Variants in FAT2 observed in about 807,000 individuals in gnomAD.
The protein encoded by FAT2 is FAT atypical cadherin 2.
Under a neutral mutation model 295.3 loss-of-function variants are expected in FAT2, and 150 were observed. The ratio of observed to expected loss-of-function variants is 0.51; its 90% CI spans 0.44 to 0.58. FAT2 has a LOEUF of 0.58. Ranked by LOEUF, FAT2 falls within the 20% of genes least tolerant of loss-of-function variation. The probability of loss-of-function intolerance (pLI) is 0.00; values close to 1 mark genes in which losing one functional copy is unlikely to be tolerated. For synonymous variants in FAT2, 2,026 were observed against 2,150.3 expected, an observed-to-expected ratio of 0.94 and a Z score of 1.60; for missense variants, 4,868 against 5,442.7, an observed-to-expected ratio of 0.89 and a Z score of 3.32.
intron 3 of FAT2, among the ~76,000 whole-genome samples, chr5:151,559,278 A>G (rs1440273594): frequency 6.6e-6 from 1 of 152,150 alleles, no homozygotes; most frequent in African/African-American, 2.4e-5. Context: ...TTTGGCGTGC[A>G]AGGGATTGGA....
In FAT2 at chr5:151,544,285, A is replaced by G; in HGVS notation, c.6842T>C (p.Ile2281Thr). 1 of 1,614,190 alleles carries G rather than the reference A, an allele frequency of 6.2e-7. No individual in the cohort carries two copies. Among genetic ancestry groups the G allele is most frequent in the Non-Finnish European group, 8.5e-7 (1 of 1,180,034 alleles). The change falls in exon 10 of 24, where the codon ATC becomes ACC. Residue 2281 changes from isoleucine to threonine, a missense_variant. Ile to Thr is a moderately conservative substitution (Grantham distance 89, BLOSUM62 -1). Transcript: ENST00000261800. ...GGTCTGAGCAGGCAAGCCTTCTGAGATGGAAGTGGTATAGACCAATTGGGA... is the reference window on the plus strand; with the variant it reads ...GGTCTGAGCAGGCAAGCCTTCTGAGGTGGAAGTGGTATAGACCAATTGGGA... ...TFSQLVYTTS[I>T]SEGLPAQTPV... is the part of the protein sequence containing the mutation.
At position 151,567,719 on chromosome 5, in the gene FAT2, C is replaced by T; in HGVS notation, c.1213G>A (p.Gly405Arg). The T allele has an allele frequency of 6.2e-7, 1 of 1,614,160 alleles. No individual in the cohort carries two copies. The highest frequency in any genetic ancestry group is 1.6e-4 in the Middle Eastern group (1 of 6,062). Residue 405 changes from glycine to arginine, a missense_variant, in exon 2 of 24, where the codon GGA becomes AGA. By Grantham distance (125) the Gly-to-Arg change is moderately radical. Coordinates refer to ENST00000261800, the MANE Select transcript of FAT2 (RefSeq NM_001447.3). ...YVLKPSSENVGFKLNARTGLI... is the reference protein window; with the variant it reads ...YVLKPSSENVRFKLNARTGLI... ...CCAGTTCGAGCATTAAGTTTAAATC[C>T]TACATTCTCTGAAGATGGCTTTAGA...
In FAT2 at chr5:151,568,801, T is replaced by C; in HGVS notation, c.131A>G (p.Glu44Gly). 6.2e-7 allele frequency: 1 copy of C among 1,614,112 alleles called. No individual in the cohort carries two copies. Among genetic ancestry groups the C allele is most frequent in the Non-Finnish European group, 8.5e-7 (1 of 1,180,028 alleles). Residue 44 changes from glutamate (E) to glycine (G), a missense_variant, in exon 2 of 24, where the codon GAA (glutamate) becomes GGA (glycine). By Grantham distance (98) the Glu-to-Gly change is moderately conservative (BLOSUM62 -2). This residue lies in a region of FAT2 where 3,297 missense variants were observed against 3,669.4 expected (regional missense o/e 0.90). Coordinates refer to ENST00000261800, the MANE Select transcript of FAT2 (RefSeq NM_001447.3). Reference sequence around the variant, plus strand: ...CACATAGGTCTTGGGAGAAGAATTTTCATAGATGGTGGCATTGTAATGGGA... The same window carrying C: ...CACATAGGTCTTGGGAGAAGAATTTCCATAGATGGTGGCATTGTAATGGGA... ...THSHYNATIY[E>G]NSSPKTYVES... is the part of the protein sequence containing the mutation.
At chr5:151,534,737 A>T (rs1048597851) in intron 12 of FAT2, 95 bp from the exon 13 acceptor site, 18 of 1,087,968 alleles carry the variant, frequency 1.7e-5, no homozygotes, top group Non-Finnish European at 2.0e-5. Flanking sequence ...ACCCAGCCAC[A>T]CAGAGTTTTG....
rs1756430871 is a variant in FAT2, at chr5:151,544,437, AG to A, written c.6689del (p.Pro2230LeufsTer32). On this transcript the variant is annotated frameshift_variant, in exon 10 of 24. Coordinates refer to ENST00000261800, the MANE Select transcript of FAT2 (RefSeq NM_001447.3). LOFTEE classifies it high-confidence loss of function. The part of the protein sequence containing the change: ...FKTGVLTVTG[P>X]LDYESKTKHV... ...GTTTGGTCTTGGACTCATAGTCCAA[AG>A]GCCCTGTTACTGTTAGGACACCAGT... is the stretch of plus-strand genomic sequence containing the variant. 1 of 1,614,046 alleles carries A rather than the reference AG, an allele frequency of 6.2e-7. No individual in the cohort carries two copies.
upstream of FAT2, among the ~76,000 whole-genome samples, chr5:151,592,340 C>T (rs373869686): frequency 9.9e-5 from 15 of 152,256 alleles, no homozygotes; most frequent in South Asian, 2.1e-4. Flanking sequence ...TCCCAGACAC[C>T]GTACTAGGCC....
At chr5:151,524,613 G>C (rs1753807452) in intron 18 of FAT2, among the ~76,000 whole-genome samples, 3 of 152,218 alleles carry the variant, frequency 2.0e-5, no homozygotes, top group African/African-American at 7.2e-5. Flanking sequence ...AATGGACTAA[G>C]TCAGTGCTTC....
rs753217238 is a variant in FAT2, at chr5:151,567,666, G to T, written c.1266C>A (p.Asp422Glu). Residue 422 changes from aspartate to glutamate, a missense_variant, in exon 2 of 24, where the codon GAC (aspartate) becomes GAA (glutamate). This residue lies in a region of FAT2 where 3,297 missense variants were observed against 3,669.4 expected (regional missense o/e 0.90). Coordinates refer to ENST00000261800, the MANE Select transcript of FAT2 (RefSeq NM_001447.3). ...GCTGATAGTGGGCTCTGTCGTGGAA[G>T]TCCATGAGCTTTGTGGTGGTGATCA... ...TGLITTTKLM[D>E]FHDRAHYQLH... 6.2e-7 allele frequency: 1 copy of T among 1,614,074 alleles called. No individual in the cohort carries two copies. Among genetic ancestry groups the T allele is most frequent in the Non-Finnish European group, 8.5e-7 (1 of 1,180,034 alleles).
At chr5:151,548,327 ATTAT>A (rs1168924093) in intron 9 of FAT2, among the ~76,000 whole-genome samples, 1 of 151,378 alleles carries the variant, frequency 6.6e-6, no homozygotes, top group Non-Finnish European at 1.5e-5. Flanking sequence ...AATATCATTA[ATTAT>A]GTATTATAAT....
At chr5:151,526,705 C>G (rs1340330235) in intron 17 of FAT2, among the ~76,000 whole-genome samples, 1 of 152,092 alleles carries the variant, frequency 6.6e-6, no homozygotes, top group African/African-American at 2.4e-5. Flanking sequence ...TAACCCATAC[C>G]CATAATATAT....
Position 151,512,224 on chromosome 5 carries a change from TCA to T in FAT2, c.11844_11845del (p.Ser3948ArgfsTer36), listed in dbSNP as rs1761380278. ...GAGGCATGTGTTCTGGCTGCAGTAG[TCA>T]CTGTGGAGGCAGCACTGGGTGAGGG... On this transcript the variant is annotated frameshift_variant, in exon 21 of 24. Coordinates refer to ENST00000261800, the MANE Select transcript of FAT2 (RefSeq NM_001447.3). LOFTEE classifies it high-confidence loss of function. The surrounding 1 kb of genome is among the most constrained non-coding windows in gnomAD (Gnocchi z 4.1). 1 of 1,614,070 alleles carries T rather than the reference TCA, an allele frequency of 6.2e-7. No individual in the cohort carries two copies.
rs750595865 is a variant in FAT2 at position 151,527,389 on chromosome 5, T to C, written c.10165-12A>G. 3.0e-5 allele frequency: 47 copies of C among 1,587,512 alleles called. No homozygotes were observed. The highest frequency in any genetic ancestry group is 4.0e-5 in the Non-Finnish European group (47 of 1,163,680). Reference sequence around the variant, plus strand: ...GAATAACTAGAGGCCTATTGCAAAATGTCCAGTGGAGGTTAGCAATGAGGT... The same window carrying C: ...GAATAACTAGAGGCCTATTGCAAAACGTCCAGTGGAGGTTAGCAATGAGGT... On this transcript the variant is annotated splice_polypyrimidine_tract_variant and intron_variant, in intron 16 of 23. Coordinates refer to ENST00000261800, the MANE Select transcript of FAT2 (RefSeq NM_001447.3).
intron 1 of FAT2, among the ~76,000 whole-genome samples, chr5:151,573,233 A>G (rs10079712): frequency 0.46 from 69,915 of 152,114 alleles, 16,169 homozygotes; most frequent in Non-Finnish European, 0.49. Flanking sequence ...AGGTCGTTTC[A>G]AGAATGAAAG....
intron 20 of FAT2, 71 bp downstream of exon 20, chr5:151,517,549 C>G: frequency 6.3e-7 from 1 of 1,584,242 alleles, no homozygotes; most frequent in Non-Finnish European, 8.6e-7. Flanking sequence ...CCTGACATTC[C>G]TCATGCCTCA....
chr5:151,550,645 G>A lies in FAT2; in HGVS notation c.4523C>T (p.Thr1508Met), dbSNP rs1230837637. ...QLDPSSGVLV[T>M]VGKLDLGSGP... The stretch of plus-strand genomic sequence containing the variant: ...CGAGCCGAGGTCCAATTTTCCCACC[G>A]TTACCAGGACACCACTGCTTGGGTC... Residue 1508 changes from threonine (T) to methionine (M), a missense_variant, in exon 8 of 24, where the codon ACG (threonine) becomes ATG (methionine). Transcript: ENST00000261800. 26 of 1,614,162 alleles carry A rather than the reference G, an allele frequency of 1.6e-5. No homozygotes were observed. The Middle Eastern group carries it at 8.2e-4, about 51-fold the overall frequency.
intron 17 of FAT2, among the ~76,000 whole-genome samples, chr5:151,526,945 G>T (rs1049669901): frequency 1.3e-5 from 2 of 152,170 alleles, no homozygotes; most frequent in Admixed American, 1.3e-4. Flanking sequence ...CACATTCCAG[G>T]TATGGCATGT....
chr5:151,548,844 T>C (rs1756913455), intron 9 of FAT2, among the ~76,000 whole-genome samples: 1 of 152,224 alleles, frequency 6.6e-6, no homozygotes, highest in South Asian at 2.1e-4. Flanking sequence ...TATTCCCGTT[T>C]TTGAGATGAA....
chr5:151,550,503 G>A, intron 8 of FAT2, 87 bp downstream of exon 8: 2 of 1,442,366 alleles, frequency 1.4e-6, no homozygotes, highest in Non-Finnish European at 1.9e-6. Context: ...ATGAGGGGAA[G>A]GGGGACCTTC....
chr5:151,509,069 C>T (rs1033147019), intron 22 of FAT2, among the ~76,000 whole-genome samples: 2 of 152,178 alleles, frequency 1.3e-5, no homozygotes, highest in African/African-American at 4.8e-5. Flanking sequence ...GCAACTGCCA[C>T]AGCCCCACAC....
Sources: allele counts gnomAD v4.1 joint callset (sites outside exome capture counted in the v4.1 genomes callset), GRCh38; gene constraint gnomAD v4.1.1; regional missense constraint gnomAD v4.1.1; non-coding constraint Gnocchi (gnomAD v3.1); transcripts MANE v1.5; gene names NCBI Gene and HGNC (gene_info 2026-07-23, HGNC 2026-07-21).